Variants in MACROD2 observed in about 807,000 individuals in gnomAD.
The protein encoded by MACROD2 is ADP-ribose glycohydrolase MACROD2.
In MACROD2, 36 loss-of-function variants were observed where a neutral mutation model predicts 70.4. The ratio of observed to expected loss-of-function variants is 0.51; its 90% CI spans 0.39 to 0.68. MACROD2 has a LOEUF of 0.68. MACROD2 is among the 30% of genes least tolerant of loss of function. The pLI is 0.00. For missense variants in MACROD2, 496 were observed against 538.4 expected, an observed-to-expected ratio of 0.92 and a Z score of 0.78; for synonymous variants, 172 against 178.8, an observed-to-expected ratio of 0.96 and a Z score of 0.30.
At chr20:14,757,236 G>A (rs576374775) in intron 5 of MACROD2, among the ~76,000 whole-genome samples, 2 of 152,014 alleles carry the variant, frequency 1.3e-5, no homozygotes, top group Non-Finnish European at 2.9e-5. Context: ...GGAAAACATA[G>A]CAAATGAATA....
At position 14,084,073 on chromosome 20, in the gene MACROD2, AAAAACAAAC is replaced by A. The variant is rs1330010568; in HGVS notation, c.164-1543_164-1535del. Among the ~76,000 whole-genome samples the A allele has an allele frequency of 9.5e-5, 14 of 146,880 alleles. 3 individuals carry two copies. The highest frequency in any genetic ancestry group is 1.5e-4 in the African/African-American group (6 of 40,282). On this transcript the variant is annotated intron_variant, in intron 2 of 17. Transcript: ENST00000684519. ...CGAGACTCCGTCTCAAAAAAAAACA[AAAAACAAAC>A]AAAAAAAAACCTTCCGGGAGAGAAG...
At chr20:15,374,913 G>A (rs1461764075) in intron 6 of MACROD2, among the ~76,000 whole-genome samples, 3 of 152,158 alleles carry the variant, frequency 2.0e-5, no homozygotes, top group African/African-American at 4.8e-5. Context: ...AAACTAGTGC[G>A]CAGTAAAGAC....
intron 5 of MACROD2, among the ~76,000 whole-genome samples, chr20:15,100,134 G>T (rs575080345): frequency 1.3e-5 from 2 of 151,762 alleles, no homozygotes; most frequent in Non-Finnish European, 2.9e-5. Context: ...ACAGGGTCTC[G>T]CCATGTTGCC....
intron 5 of MACROD2, among the ~76,000 whole-genome samples, chr20:15,195,007 G>T (rs962344725): frequency 2.6e-5 from 4 of 152,132 alleles, no homozygotes; most frequent in Admixed American, 2.6e-4. Context: ...TTAATAAGTG[G>T]TGCTGGGAGA....
At chr20:15,410,931 T>G (rs963176894) in intron 6 of MACROD2, among the ~76,000 whole-genome samples, 2 of 152,162 alleles carry the variant, frequency 1.3e-5, no homozygotes, top group Non-Finnish European at 2.9e-5. Flanking sequence ...TTCTCATATA[T>G]CTCGTGCAAG....
intron 3 of MACROD2, among the ~76,000 whole-genome samples, chr20:14,239,737 G>A (rs1017821815): frequency 6.6e-6 from 1 of 152,074 alleles, no homozygotes; most frequent in Non-Finnish European, 1.5e-5. Context: ...AACCATGGAA[G>A]GTAATCTAGG....
At chr20:14,264,229 G>A (rs558565106) in intron 3 of MACROD2, among the ~76,000 whole-genome samples, 1 of 152,248 alleles carries the variant, frequency 6.6e-6, no homozygotes, top group South Asian at 2.1e-4. Context: ...CACAGGACCA[G>A]AGAAGCTTCT....
At position 15,558,007 on chromosome 20, in the gene MACROD2, G is replaced by A. The variant is rs558527069; in HGVS notation, c.645+58160G>A. Among the ~76,000 whole-genome samples the A allele has an allele frequency of 9.2e-5, 14 of 152,180 alleles. No individual in the cohort carries two copies. The East Asian group carries it at 1.4e-3, about 15-fold the overall frequency. On this transcript the variant is annotated intron_variant, in intron 8 of 17. Coordinates refer to ENST00000684519, the MANE Select transcript of MACROD2 (RefSeq NM_001351661.2). ...TACTATATGTTAGGCACTGTAATAC[G>A]CTTTACTCAAATCTCAATCAATCTC...
intron 5 of MACROD2, among the ~76,000 whole-genome samples, chr20:14,857,339 A>G (rs777523655): frequency 6.6e-6 from 1 of 152,192 alleles, no homozygotes; most frequent in Non-Finnish European, 1.5e-5. Context: ...CTGGCCCCTT[A>G]TCATCTGACA....
At chr20:15,852,209 C>T (rs1568597968) in intron 8 of MACROD2, among the ~76,000 whole-genome samples, 1 of 152,158 alleles carries the variant, frequency 6.6e-6, no homozygotes, top group Non-Finnish European at 1.5e-5. Flanking sequence ...AATGAGCCTC[C>T]AGCTCAAGCC....
intron 2 of MACROD2, among the ~76,000 whole-genome samples, chr20:14,075,447 G>T (rs925190162): frequency 6.6e-6 from 1 of 152,176 alleles, no homozygotes; most frequent in Non-Finnish European, 1.5e-5. Flanking sequence ...CTGTGGATAG[G>T]AGGGACTACT....
At chr20:15,297,468 G>A (rs575913207) in intron 6 of MACROD2, among the ~76,000 whole-genome samples, 3 of 152,252 alleles carry the variant, frequency 2.0e-5, no homozygotes, top group Non-Finnish European at 4.4e-5. Context: ...TAGCAAAGAG[G>A]GCCATACTGG....
At chr20:16,021,704 T>C (rs1427206365) in intron 15 of MACROD2, among the ~76,000 whole-genome samples, 1 of 152,188 alleles carries the variant, frequency 6.6e-6, no homozygotes, top group Non-Finnish European at 1.5e-5. Flanking sequence ...TTTCTGACTT[T>C]TACCTATTAG....
intron 8 of MACROD2, among the ~76,000 whole-genome samples, chr20:15,750,629 A>G (rs1002038251): frequency 1.3e-5 from 2 of 152,008 alleles, no homozygotes; most frequent in Non-Finnish European, 2.9e-5. Context: ...TATTCAAAGG[A>G]AATGAAATCA....
Position 15,765,845 on chromosome 20 carries a change from C to T in MACROD2, c.646-96900C>T, listed in dbSNP as rs1453586953. ...CCCAATGTTGCAATGACAATCTATA[C>T]AATGTAAGTATTTGTACTTTTTATA... On this transcript the variant is annotated intron_variant, in intron 8 of 17. Transcript: ENST00000684519. Among the ~76,000 whole-genome samples, 8 of 152,050 alleles carry T rather than the reference C, an allele frequency of 5.3e-5. 1 individual carries two copies. The highest frequency in any genetic ancestry group is 1.9e-4 in the African/African-American group (8 of 41,392).
chr20:15,863,879 G>C (rs1231574212), intron 9 of MACROD2, among the ~76,000 whole-genome samples: 1 of 152,150 alleles, frequency 6.6e-6, no homozygotes, highest in African/African-American at 2.4e-5. Flanking sequence ...GCCCTAAATG[G>C]ACTAAGTTCT....
intron 8 of MACROD2, among the ~76,000 whole-genome samples, chr20:15,695,766 C>T (rs576066470): frequency 6.6e-6 from 1 of 150,898 alleles, no homozygotes; most frequent in East Asian, 1.9e-4. Context: ...CTTTTGACTC[C>T]TTTGTTAGGC....
intron 6 of MACROD2, among the ~76,000 whole-genome samples, chr20:15,304,184 AT>A (rs1365347467): frequency 1.3e-5 from 2 of 152,092 alleles, no homozygotes; most frequent in Non-Finnish European, 2.9e-5. Context: ...GAATAAATGC[AT>A]GACTGGGGTT....
At chr20:15,261,965 T>C (rs1681219705) in intron 6 of MACROD2, among the ~76,000 whole-genome samples, 1 of 152,034 alleles carries the variant, frequency 6.6e-6, no homozygotes, top group African/African-American at 2.4e-5. Context: ...TGAGATATTT[T>C]TGAAACAGGC....
Sources: gnomAD v4.1 joint callset for allele counts (sites outside exome capture counted in the v4.1 genomes callset) on GRCh38, gnomAD v4.1.1 for gene constraint, MANE v1.5 for transcripts, NCBI Gene and HGNC (gene_info 2026-07-23, HGNC 2026-07-21) for gene names.